MYOM2: variants seen among roughly 807,000 people sequenced by gnomAD.
MYOM2 encodes myomesin-2.
In MYOM2, 254 loss-of-function variants were observed where a neutral mutation model predicts 187.6. The observed-to-expected ratio is 1.35, with a 90% CI of 1.22 to 1.50. The LOEUF is 1.50. Among genes scored for constraint, MYOM2 ranks in the 40% most tolerant of loss-of-function variants. The pLI is 0.00. For missense variants in MYOM2, 2,796 were observed against 1,924.0 expected, an observed-to-expected ratio of 1.45 and a Z score of -8.48; for synonymous variants, 981 against 753.8, an observed-to-expected ratio of 1.30 and a Z score of -4.94.
At chr8:2,081,062 GT>G (rs1819607550) in intron 13 of MYOM2, among the ~76,000 whole-genome samples, 1 of 141,452 alleles carries the variant, frequency 7.1e-6, no homozygotes, top group Non-Finnish European at 1.5e-5. Flanking sequence ...GCAGAATGAG[GT>G]TTGGTTCTGA....
intron 25 of MYOM2, among the ~76,000 whole-genome samples, chr8:2,111,928 T>C (rs560999659): frequency 3.0e-4 from 46 of 152,340 alleles, no homozygotes; most frequent in African/African-American, 1.1e-3. Context: ...AATATTGTAA[T>C]TTCTAATTGC....
At chr8:2,097,003 C>T (rs150663332) in intron 18 of MYOM2, 21,050 of 467,988 alleles carry the variant, frequency 0.045, 556 homozygotes, top group South Asian at 0.053. Flanking sequence ...TGCTCTGTTT[C>T]CCTGTCCGGC....
At chr8:2,071,992 G>A (rs1819239205) in intron 8 of MYOM2, among the ~76,000 whole-genome samples, 1 of 152,136 alleles carries the variant, frequency 6.6e-6, no homozygotes, top group South Asian at 2.1e-4. Context: ...TGAGGGTCAG[G>A]GATTCAACAC....
chr8:2,080,042 T>C (rs1819567691), intron 13 of MYOM2, among the ~76,000 whole-genome samples: 1 of 152,274 alleles, frequency 6.6e-6, no homozygotes, highest in Non-Finnish European at 1.5e-5. Flanking sequence ...ATTGAGTCTT[T>C]CCTGCCAAAT....
At chr8:2,118,059 A>G in intron 28 of MYOM2, 107 bp downstream of exon 28, 5 of 950,146 alleles carry the variant, frequency 5.3e-6, no homozygotes, top group Non-Finnish European at 8.1e-6. Context: ...TGGTGAGGAA[A>G]CGTGTGGTGC....
intron 8 of MYOM2, among the ~76,000 whole-genome samples, chr8:2,070,749 C>T (rs1183665725): frequency 2.6e-5 from 4 of 152,246 alleles, no homozygotes; most frequent in South Asian, 2.1e-4. Context: ...GCTATTTTTG[C>T]TTCAGTTGTT....
At chr8:2,133,675 G>C (rs944866154) in intron 32 of MYOM2, among the ~76,000 whole-genome samples, 1 of 152,136 alleles carries the variant, frequency 6.6e-6, no homozygotes, top group Non-Finnish European at 1.5e-5. Flanking sequence ...TGGCCAGGCC[G>C]GTCTCGAACT....
intron 16 of MYOM2, among the ~76,000 whole-genome samples, chr8:2,093,198 T>C (rs77090932): frequency 0.013 from 2,013 of 152,196 alleles, 54 homozygotes; most frequent in African/African-American, 0.046. Context: ...AAATACACTG[T>C]AAAAAGTGGT....
chr8:2,120,858 C>T (rs1289756307), intron 28 of MYOM2, among the ~76,000 whole-genome samples: 2 of 149,248 alleles, frequency 1.3e-5, no homozygotes, highest in Non-Finnish European at 3.0e-5. Context: ...TTGATAGGTT[C>T]GATAACATGC....
rs147192429 is a variant in MYOM2 at position 2,079,544 on chromosome 8, A to T, written c.1463-16A>T. The T allele has an allele frequency of 7.0e-5, 113 of 1,613,990 alleles. No individual in the cohort carries two copies. In the African/African-American group the frequency reaches 1.1e-3, roughly 16 times the overall value. ...ACTTCGCATGTCAAATCGAGTGTCA[A>T]CCTTTCTCTCCGCAGCCGTTCATTT... On this transcript the variant is annotated splice_polypyrimidine_tract_variant and intron_variant, in intron 12 of 36. Transcript: ENST00000262113.
chr8:2,092,217 C>A, intron 15 of MYOM2, 129 bp from the exon 16 acceptor site: 1 of 1,134,320 alleles, frequency 8.8e-7, no homozygotes, highest in South Asian at 1.5e-5. Flanking sequence ...TCCTGGACCC[C>A]TTGTCTGAAT....
chr8:2,083,463 TTAG>T (rs1259955719), intron 13 of MYOM2, among the ~76,000 whole-genome samples: 1 of 150,976 alleles, frequency 6.6e-6, no homozygotes, highest in Non-Finnish European at 1.5e-5. Context: ...TCGCATGTGC[TTAG>T]CACCATCTCG....
intron 32 of MYOM2, among the ~76,000 whole-genome samples, chr8:2,132,844 A>T (rs1797923327): frequency 6.6e-6 from 1 of 152,200 alleles, no homozygotes; most frequent in Admixed American, 6.5e-5. Context: ...AATCTCAGCT[A>T]ACTCTTGAAC....
intron 28 of MYOM2, among the ~76,000 whole-genome samples, chr8:2,121,463 C>G (rs926514120): frequency 6.6e-6 from 1 of 152,038 alleles, no homozygotes; most frequent in Non-Finnish European, 1.5e-5. Context: ...ATTCATAAAT[C>G]TTTAAACACA....
In MYOM2 at chr8:2,078,898, C is replaced by T. The variant is rs367770117; in HGVS notation, c.1427C>T (p.Ala476Val). Residue 476 changes from alanine to valine, a missense_variant, in exon 12 of 37, where the codon GCT becomes GTT. By Grantham distance (64) the Ala-to-Val change is moderately conservative (BLOSUM62 0). Transcript: ENST00000262113. ...SRPSRVSDAV[A>V]ALDPLDLRRL... ...CCCTCCAGGGTCTCTGATGCGGTGG[C>T]TGCACTTGACCCCTTGGACCTCAGA... 1.2e-6 allele frequency: 2 copies of T among 1,613,872 alleles called. No individual in the cohort carries two copies. The highest frequency in any genetic ancestry group is 1.7e-6 in the Non-Finnish European group (2 of 1,179,900).
chr8:2,093,075 A>G (rs1447445101), intron 16 of MYOM2, among the ~76,000 whole-genome samples: 1 of 152,126 alleles, frequency 6.6e-6, no homozygotes, highest in Non-Finnish European at 1.5e-5. Flanking sequence ...GTCTGAGGTT[A>G]TTAGGCTTCT....
chr8:2,100,113 T>TTCCTTCCTTCCTTCCTTCC (rs1796645805), intron 19 of MYOM2, among the ~76,000 whole-genome samples: 3 of 62,714 alleles, frequency 4.8e-5, no homozygotes, highest in African/African-American at 1.6e-4. Flanking sequence ...TCCTTCTTTC[T>TTCCTTCCTTCCTTCCTTCC]TTCCTTCCTT....
At position 2,057,221 on chromosome 8, in the gene MYOM2, C is replaced by T. The variant is rs895421176; in HGVS notation, c.264-127C>T. On this transcript the variant is annotated intron_variant, in intron 3 of 36. Transcript: ENST00000262113. The stretch of plus-strand genomic sequence containing the variant: ...CAAATGAGCAGAAGTAGCATTTCTC[C>T]TGTTCTCTTCTTGAACGCACTTAAG... The T allele has an allele frequency of 8.5e-6, 9 of 1,056,564 alleles. No individual in the cohort carries two copies. The African/African-American group carries it at 1.4e-4, about 17-fold the overall frequency. 65.4% of individuals were successfully genotyped at this position (1,056,564 alleles called of 1,614,324 possible). A position where few individuals can be genotyped will look rare whatever the true frequency, so the allele number is the denominator to read the frequency against.
chr8:2,083,137 A>C (rs745505078), intron 13 of MYOM2, among the ~76,000 whole-genome samples: 3 of 152,244 alleles, frequency 2.0e-5, no homozygotes, highest in Non-Finnish European at 2.9e-5. Context: ...TATATATTAT[A>C]TATTAATAAT....
Sources: gnomAD v4.1 joint callset for allele counts (sites outside exome capture counted in the v4.1 genomes callset) on GRCh38, gnomAD v4.1.1 for gene constraint, MANE v1.5 for transcripts, NCBI Gene and HGNC (gene_info 2026-07-23, HGNC 2026-07-21) for gene names.